Variants in LGSN observed in about 807,000 individuals in gnomAD.
LGSN encodes lengsin, lens protein with glutamine synthetase domain.
LGSN carries 21 observed loss-of-function variants against 19.5 expected under a neutral mutation model. That is an observed-to-expected ratio of 1.07 (90% CI 0.76 to 1.55). The LOEUF (loss-of-function observed/expected upper bound fraction) is 1.55. LGSN is among the 40% of genes most tolerant of loss of function. The pLI is 0.00. For missense variants in LGSN, 673 were observed against 608.5 expected, an observed-to-expected ratio of 1.11 and a Z score of -1.12; for synonymous variants, 257 against 215.6, an observed-to-expected ratio of 1.19 and a Z score of -1.68.
the LGSN span, among the ~76,000 whole-genome samples, chr6:63,490,662 T>G: frequency 3.3e-5 from 5 of 152,152 alleles, no homozygotes; most frequent in African/African-American, 1.2e-4. Context: ...CTGCAACCTC[T>G]GTCTCCCAGG....
At chr6:63,480,285 A>G in the LGSN span, 2 of 216,060 alleles carry the variant, frequency 9.3e-6, no homozygotes, top group African/African-American at 4.6e-5. Flanking sequence ...AATTTGTGTC[A>G]TGCTCTACAT....
At chr6:63,283,618 CTTTT>C (rs34439463) in intron 3 of LGSN, among the ~76,000 whole-genome samples, 2 of 139,470 alleles carry the variant, frequency 1.4e-5, no homozygotes, top group East Asian at 2.1e-4. Context: ...ACAAATGAAT[CTTTT>C]TTTTTTTTTT....
Position 63,280,801 on chromosome 6 carries a change from A to G in LGSN, c.750T>C (p.Thr250=), listed in dbSNP as rs1388997044. 6.2e-7 allele frequency: 1 copy of G among 1,614,136 alleles called. No individual in the cohort carries two copies. Among genetic ancestry groups the G allele is most frequent in the Non-Finnish European group, 8.5e-7 (1 of 1,179,994 alleles). ...MQELVDGLYH[T]GANVESFSSS... ...AGGAAAAACTCTCGACATTGGCTCC[A>G]GTGTGATACAAGCCATCAACAAGTT... Residue 250 remains threonine, a synonymous_variant, in exon 4 of 4, where the codon ACT becomes ACC. Coordinates refer to ENST00000370657, the MANE Select transcript of LGSN (RefSeq NM_016571.3).
At chr6:63,459,454 T>C in the LGSN span, among the ~76,000 whole-genome samples, 1 of 152,140 alleles carries the variant, frequency 6.6e-6, no homozygotes, top group Non-Finnish European at 1.5e-5. Context: ...AGGATCTCAC[T>C]ATGTTGACTA....
chr6:63,379,783 T>G, the LGSN span, among the ~76,000 whole-genome samples: 2 of 152,342 alleles, frequency 1.3e-5, no homozygotes, highest in South Asian at 4.1e-4. Flanking sequence ...TTACAAAAAT[T>G]TTGCAGGCTT....
At chr6:63,412,714 G>A in the LGSN span, among the ~76,000 whole-genome samples, 33 of 45,648 alleles carry the variant, frequency 7.2e-4, 2 homozygotes, top group African/African-American at 3.2e-3. Context: ...AAAGAGGGAA[G>A]GAAGGAAAGA....
At position 63,319,907 on chromosome 6, in the gene LGSN, T is replaced by C; in HGVS notation, c.30+7A>G. 1 of 1,604,106 alleles carries C rather than the reference T, an allele frequency of 6.2e-7. No homozygotes were observed. The highest frequency in any genetic ancestry group is 8.5e-7 in the Non-Finnish European group (1 of 1,171,196). On this transcript the variant is annotated splice_region_variant and intron_variant, in intron 1 of 3. Transcript: ENST00000370657. ...GGTTAAAAACATTTTAATGATTAGC[T>C]TCATACCTCCTGCAGAAGGTCCTCT... is the stretch of plus-strand genomic sequence containing the variant.
chr6:63,398,999 G>A, the LGSN span, among the ~76,000 whole-genome samples: 2 of 152,054 alleles, frequency 1.3e-5, no homozygotes, highest in Non-Finnish European at 2.9e-5. Context: ...TAGAGACAGG[G>A]TCTCCCTATC....
chr6:63,455,999 G>A, the LGSN span, among the ~76,000 whole-genome samples: 1 of 151,970 alleles, frequency 6.6e-6, no homozygotes, highest in Non-Finnish European at 1.5e-5. Flanking sequence ...GGAGGCTAAG[G>A]TGGGTGGATC....
the LGSN span, among the ~76,000 whole-genome samples, chr6:63,529,109 A>ATATATATATATGTATATATATGTGTGTG: frequency 1.8e-4 from 26 of 146,142 alleles, no homozygotes; most frequent in East Asian, 3.9e-4. Flanking sequence ...ATATGTGTGT[A>ATATATATATATGTATATATATGTGTGTG]TATATATATA....
chr6:63,344,210 A>G, the LGSN span, among the ~76,000 whole-genome samples: 450 of 152,348 alleles, frequency 3.0e-3, 3 homozygotes, highest in African/African-American at 0.01. Flanking sequence ...CTTGTTACAC[A>G]GTAGTAGAAA....
the LGSN span, among the ~76,000 whole-genome samples, chr6:63,518,766 C>A: frequency 6.6e-6 from 1 of 152,144 alleles, no homozygotes; most frequent in South Asian, 2.1e-4. Flanking sequence ...ATGCAATAAT[C>A]ATAAATGTAC....
chr6:63,402,186 G>A, the LGSN span, among the ~76,000 whole-genome samples: 1 of 152,100 alleles, frequency 6.6e-6, no homozygotes. Context: ...TAGTTGTCAG[G>A]CAACTGAAAA....
the LGSN span, among the ~76,000 whole-genome samples, chr6:63,330,134 C>A: frequency 1.3e-5 from 2 of 152,152 alleles, no homozygotes; most frequent in Non-Finnish European, 2.9e-5. Context: ...GGGCAGTGCA[C>A]CTTCCAGTGA....
At chr6:63,326,911 G>A in the LGSN span, among the ~76,000 whole-genome samples, 6 of 152,090 alleles carry the variant, frequency 3.9e-5, no homozygotes, top group South Asian at 2.1e-4. Flanking sequence ...ATAGTGCAGC[G>A]GTGGGCCAAA....
chr6:63,459,990 A>C, the LGSN span, among the ~76,000 whole-genome samples: 2 of 150,256 alleles, frequency 1.3e-5, no homozygotes, highest in Admixed American at 1.3e-4. Flanking sequence ...CACGTGCTCC[A>C]TGTCCACACC....
the LGSN span, among the ~76,000 whole-genome samples, chr6:63,401,172 T>C: frequency 2.6e-5 from 4 of 151,764 alleles, no homozygotes; most frequent in East Asian, 7.8e-4. Flanking sequence ...GTTACAAAGC[T>C]AGTTTCAGCA....
chr6:63,563,539 C>T, the LGSN span, among the ~76,000 whole-genome samples: 1 of 152,218 alleles, frequency 6.6e-6, no homozygotes, highest in African/African-American at 2.4e-5. Context: ...ATTCTGTTGA[C>T]CTCCTTCACA....
intron 2 of LGSN, among the ~76,000 whole-genome samples, chr6:63,289,577 A>G (rs990432222): frequency 2.6e-5 from 4 of 152,044 alleles, no homozygotes; most frequent in Non-Finnish European, 4.4e-5. Flanking sequence ...GTGTTTTTAT[A>G]GAAGATGTTT....
Sources: gnomAD v4.1 joint callset for allele counts (sites outside exome capture counted in the v4.1 genomes callset) on GRCh38, gnomAD v4.1.1 for gene constraint, MANE v1.5 for transcripts, NCBI Gene and HGNC (gene_info 2026-07-23, HGNC 2026-07-21) for gene names.